Variants in OXCT1 observed in about 807,000 individuals in gnomAD.
OXCT1 encodes succinyl-CoA:3-ketoacid coenzyme A transferase 1, mitochondrial.
OXCT1 carries 27 observed loss-of-function variants against 69.6 expected under a neutral mutation model. That is an observed-to-expected ratio of 0.39 (90% confidence interval 0.29 to 0.54). The LOEUF (loss-of-function observed/expected upper bound fraction) is 0.54. Among genes scored for constraint, OXCT1 ranks in the 20% least tolerant of loss-of-function variants. The pLI, the probability that OXCT1 is intolerant of heterozygous loss-of-function variation, is 0.72. For missense variants in OXCT1, 437 were observed against 650.2 expected (o/e 0.67, Z 3.57); for synonymous variants, 202 against 217.8 (o/e 0.93, Z 0.64).
At chr5:41,848,271 G>C (rs1054077954) in intron 5 of OXCT1, among the ~76,000 whole-genome samples, 1 of 151,576 alleles carries the variant, frequency 6.6e-6, no homozygotes, top group Non-Finnish European at 1.5e-5. Context: ...CACTGCTCAA[G>C]GAAATAAAAG....
chr5:41,737,193 C>T (rs891743075), intron 16 of OXCT1, among the ~76,000 whole-genome samples: 1 of 152,136 alleles, frequency 6.6e-6, no homozygotes, highest in African/African-American at 2.4e-5. Flanking sequence ...CTCAGGACAA[C>T]ATTGACATAC....
At chr5:41,802,022 T>C (rs1746447690) in intron 10 of OXCT1, among the ~76,000 whole-genome samples, 1 of 152,106 alleles carries the variant, frequency 6.6e-6, no homozygotes, top group African/African-American at 2.4e-5. Flanking sequence ...CAGAGCTATG[T>C]AAATTTTCCT....
intron 7 of OXCT1, among the ~76,000 whole-genome samples, chr5:41,826,808 C>T (rs931872875): frequency 1.3e-5 from 2 of 152,116 alleles, no homozygotes; most frequent in African/African-American, 4.8e-5. Context: ...TATCCATCTG[C>T]ACCTGCGTCA....
intron 7 of OXCT1, among the ~76,000 whole-genome samples, chr5:41,834,064 C>A (rs1748232428): frequency 6.6e-6 from 1 of 150,874 alleles, no homozygotes; most frequent in Non-Finnish European, 1.5e-5. Context: ...TTTGTTTATG[C>A]AATTAGTGTT....
intron 15 of OXCT1, among the ~76,000 whole-genome samples, chr5:41,740,594 T>C (rs1437099146): frequency 5.3e-5 from 8 of 152,204 alleles, no homozygotes; most frequent in Admixed American, 3.9e-4. Context: ...CTTAGAAATA[T>C]AACTCAAGTG....
chr5:41,814,153 A>G (rs1747118172), intron 7 of OXCT1, among the ~76,000 whole-genome samples: 1 of 152,102 alleles, frequency 6.6e-6, no homozygotes, highest in South Asian at 2.1e-4. Flanking sequence ...GGTAAAAACT[A>G]AACAGCACAT....
intron 7 of OXCT1, among the ~76,000 whole-genome samples, chr5:41,812,810 T>C (rs1351162662): frequency 2.0e-5 from 3 of 152,012 alleles, no homozygotes; most frequent in Non-Finnish European, 2.9e-5. Flanking sequence ...TCTGTACTAA[T>C]ACTAGGCTGT....
chr5:41,780,082 A>G (rs2112174586), intron 13 of OXCT1, among the ~76,000 whole-genome samples: 1 of 152,320 alleles, frequency 6.6e-6, no homozygotes. Flanking sequence ...TAGGATAAAG[A>G]GAAGATATAA....
intron 13 of OXCT1, among the ~76,000 whole-genome samples, chr5:41,787,003 C>T (rs1364612595): frequency 6.6e-6 from 1 of 152,126 alleles, no homozygotes; most frequent in East Asian, 1.9e-4. Flanking sequence ...GCCCCTTAAA[C>T]AATCCCAGAG....
intron 16 of OXCT1, among the ~76,000 whole-genome samples, chr5:41,739,157 G>A (rs1743032610): frequency 6.6e-6 from 1 of 152,210 alleles, no homozygotes; most frequent in Non-Finnish European, 1.5e-5. Flanking sequence ...GCAGCTCCTG[G>A]TGGTGTGTCC....
intron 13 of OXCT1, among the ~76,000 whole-genome samples, chr5:41,765,074 G>A (rs55869781): frequency 6.6e-6 from 1 of 152,188 alleles, no homozygotes; most frequent in South Asian, 2.1e-4. Flanking sequence ...ATTTATACCA[G>A]GAGGAAAATA....
chr5:41,785,296 T>C (rs1427971628), intron 13 of OXCT1, among the ~76,000 whole-genome samples: 1 of 152,218 alleles, frequency 6.6e-6, no homozygotes, highest in Non-Finnish European at 1.5e-5. Flanking sequence ...GGCTGGGTTC[T>C]TCCACAGTCC....
chr5:41,776,317 C>T (rs879899466), intron 13 of OXCT1, among the ~76,000 whole-genome samples: 4 of 152,132 alleles, frequency 2.6e-5, no homozygotes, highest in Admixed American at 1.3e-4. Context: ...CAATGCAGTA[C>T]CCTGAACTGG....
intron 3 of OXCT1, among the ~76,000 whole-genome samples, chr5:41,855,353 G>A (rs1012883898): frequency 2.0e-5 from 3 of 152,110 alleles, no homozygotes; most frequent in African/African-American, 7.2e-5. Flanking sequence ...TGATGACATG[G>A]GTGTGCAGCT....
At chr5:41,749,713 A>T (rs1003862826) in intron 14 of OXCT1, 106 bp from the exon 15 acceptor site, 1 of 748,748 alleles carries the variant, frequency 1.3e-6, no homozygotes, top group African/African-American at 1.8e-5. Flanking sequence ...TTGTCTCCTA[A>T]GTAAAGACTC....
Position 41,756,628 on chromosome 5 carries a change from A to G in OXCT1, c.1338+5483T>C, listed in dbSNP as rs567429514. The stretch of plus-strand genomic sequence containing the variant: ...TAATTCAACAAGTATGTATTGAGCC[A>G]TGATGTACATAAGGCTCTATTCTAC... On this transcript the variant is annotated intron_variant, in intron 14 of 16. Coordinates refer to ENST00000196371, the MANE Select transcript of OXCT1 (RefSeq NM_000436.4). Among the ~76,000 whole-genome samples, 16 of 152,270 alleles carry G rather than the reference A, an allele frequency of 1.1e-4. No individual in the cohort carries two copies. In the South Asian group the frequency reaches 2.7e-3, roughly 26 times the overall value.
intron 7 of OXCT1, among the ~76,000 whole-genome samples, chr5:41,827,829 G>A (rs558767023): frequency 6.6e-6 from 1 of 152,194 alleles, no homozygotes; most frequent in South Asian, 2.1e-4. Flanking sequence ...AAACTGGTGG[G>A]GGAAAAAAAG....
At chr5:41,737,454 TG>T (rs1742941656) in intron 16 of OXCT1, among the ~76,000 whole-genome samples, 1 of 151,602 alleles carries the variant, frequency 6.6e-6, no homozygotes, top group African/African-American at 2.4e-5. Flanking sequence ...AAAAAAAAAC[TG>T]AACATTCTGT....
chr5:41,752,871 C>T (rs1743863624), intron 14 of OXCT1, among the ~76,000 whole-genome samples: 1 of 152,074 alleles, frequency 6.6e-6, no homozygotes, highest in African/African-American at 2.4e-5. Context: ...GCATCAGCTT[C>T]CCTAATCTTT....
Sources: gnomAD v4.1 joint callset for allele counts (sites outside exome capture counted in the v4.1 genomes callset) on GRCh38, gnomAD v4.1.1 for gene constraint, MANE v1.5 for transcripts, NCBI Gene and HGNC (gene_info 2026-07-23, HGNC 2026-07-21) for gene names.